MAPK8IP1: variants seen among roughly 807,000 people sequenced by gnomAD.
MAPK8IP1 encodes the protein C-Jun-amino-terminal kinase-interacting protein 1.
Under a neutral mutation model 72.6 loss-of-function variants are expected in MAPK8IP1, and 17 were observed. That is an observed-to-expected ratio of 0.23 (90% CI 0.16 to 0.35). MAPK8IP1 has a LOEUF of 0.35. Ranked by LOEUF, MAPK8IP1 falls within the 10% of genes least tolerant of loss-of-function variation. The pLI is 1.00. For missense variants in MAPK8IP1, 789 were observed against 1,009.7 expected (o/e 0.78, Z 2.96); for synonymous variants, 401 against 443.4 (o/e 0.90, Z 1.20).
intron 1 of MAPK8IP1, among the ~76,000 whole-genome samples, chr11:45,894,785 C>T (rs1301161423): frequency 6.6e-6 from 1 of 152,150 alleles, no homozygotes; most frequent in African/African-American, 2.4e-5. Context: ...CTGCTGGGTA[C>T]AGTATAGGGT....
intron 1 of MAPK8IP1, chr11:45,896,487 G>T: frequency 9.9e-7 from 1 of 1,011,772 alleles, no homozygotes; most frequent in Non-Finnish European, 1.2e-6. Context: ...GCCTGGGCCA[G>T]GGAGGGGGGG....
In MAPK8IP1 at chr11:45,903,945, C is replaced by G. The variant is rs376192530; in HGVS notation, c.1494-44C>G. The G allele has an allele frequency of 4.6e-5, 74 of 1,597,684 alleles. No individual in the cohort carries two copies. The highest frequency in any genetic ancestry group is 3.3e-4 in the East Asian group (15 of 44,804). ...AGACCCCAGAGTAGGCCTGGCTGGA[C>G]AGGCCTTGGTGCCGAATTTCTCACC... On this transcript the variant is annotated intron_variant, in intron 6 of 11. Coordinates refer to ENST00000241014, the MANE Select transcript of MAPK8IP1 (RefSeq NM_005456.4). The surrounding 1 kb of genome is among the most constrained non-coding windows in gnomAD (Gnocchi z 6.4).
intron 1 of MAPK8IP1, among the ~76,000 whole-genome samples, chr11:45,886,807 A>G (rs1484157958): frequency 6.6e-6 from 1 of 151,912 alleles, no homozygotes; most frequent in Non-Finnish European, 1.5e-5. Context: ...GCTTAGACAT[A>G]CCCCATTGTT....
intron 10 of MAPK8IP1, 27 bp downstream of exon 10, chr11:45,905,068 G>A: frequency 6.2e-7 from 1 of 1,613,700 alleles, no homozygotes; most frequent in South Asian, 1.1e-5. Flanking sequence ...TGGCAGTGGA[G>A]GAGGCACGGG....
intron 1 of MAPK8IP1, among the ~76,000 whole-genome samples, chr11:45,897,724 A>G (rs2134671292): frequency 6.6e-6 from 1 of 152,294 alleles, no homozygotes; most frequent in Non-Finnish European, 1.5e-5. Flanking sequence ...TCTCAAGTCC[A>G]CATTCTCCAT....
Position 45,902,999 on chromosome 11 carries a change from C to G in MAPK8IP1, c.1232C>G (p.Thr411Ser), listed in dbSNP as rs757309630. ...GDYSDESDSA[T>S]VYDNCASVSS... The stretch of plus-strand genomic sequence containing the variant: ...TACAGTGACGAGAGTGACTCTGCCA[C>G]CGTCTATGACAACTGTGCCTCCGTC... Residue 411 changes from threonine to serine, a missense_variant, in exon 5 of 12, where the codon ACC becomes AGC. By Grantham distance (58) the Thr-to-Ser change is moderately conservative. Around this residue, in one of 4 missense-constraint regions of MAPK8IP1, gnomAD observed 377 missense variants for 411.7 expected, o/e 0.92. Transcript: ENST00000241014. This position sits in a 1 kb window ranked among gnomAD's most constrained non-coding sequence, Gnocchi z 9.3. The G allele has an allele frequency of 1.9e-6, 3 of 1,611,762 alleles. No homozygotes were observed. The South Asian group carries it at 3.3e-5, about 18-fold the overall frequency.
chr11:45,903,354 C>G lies in MAPK8IP1; in HGVS notation c.1418-11C>G. 6.2e-7 allele frequency: 1 copy of G among 1,613,552 alleles called. No individual in the cohort carries two copies. The highest frequency in any genetic ancestry group is 8.5e-7 in the Non-Finnish European group (1 of 1,179,790). On this transcript the variant is annotated splice_polypyrimidine_tract_variant and intron_variant, in intron 5 of 11. Coordinates refer to ENST00000241014, the MANE Select transcript of MAPK8IP1 (RefSeq NM_005456.4). This position sits in a 1 kb window ranked among gnomAD's most constrained non-coding sequence, Gnocchi z 6.4. ...GCGACCCCCCATCCAGCCACACCAC[C>G]TCACCTGCAGGTGCTGAGTCCTTCG... is the stretch of plus-strand genomic sequence containing the variant.
rs1009477940 is a variant in MAPK8IP1, at chr11:45,896,843, T to C, written c.102-1242T>C. The C allele has an allele frequency of 3.9e-6, 6 of 1,547,560 alleles. No individual in the cohort carries two copies. In the African/African-American group the frequency reaches 6.9e-5, roughly 18 times the overall value. ...CCTTCCGGGCATGAGAGGGCAGCCC[T>C]GGGGCCCCGCAGCCCCCCGGCCGGG... On this transcript the variant is annotated intron_variant, in intron 1 of 11. Coordinates refer to ENST00000241014, the MANE Select transcript of MAPK8IP1 (RefSeq NM_005456.4).
At chr11:45,899,472 T>TC (rs2086633042) in intron 2 of MAPK8IP1, among the ~76,000 whole-genome samples, 1 of 152,210 alleles carries the variant, frequency 6.6e-6, no homozygotes, top group African/African-American at 2.4e-5. Context: ...GCCTGAAGGA[T>TC]CAGGGGATCT....
chr11:45,903,915 C>T lies in MAPK8IP1; in HGVS notation c.1494-74C>T. Reference sequence around the variant, plus strand: ...TACTGAAATAACGATGCTGCTGTGGCTCCCAGACCCCAGAGTAGGCCTGGC... The same window carrying T: ...TACTGAAATAACGATGCTGCTGTGGTTCCCAGACCCCAGAGTAGGCCTGGC... On this transcript the variant is annotated intron_variant, in intron 6 of 11. Coordinates refer to ENST00000241014, the MANE Select transcript of MAPK8IP1 (RefSeq NM_005456.4). This position sits in a 1 kb window ranked among gnomAD's most constrained non-coding sequence, Gnocchi z 6.4. The T allele has an allele frequency of 7.2e-7, 1 of 1,384,154 alleles. No homozygotes were observed. The highest frequency in any genetic ancestry group is 1.7e-5 in the Admixed American group (1 of 59,716). The allele number at this position is 1,384,154 out of a possible 1,614,324, so 85.7% of individuals were successfully genotyped here. A position where few individuals can be genotyped will look rare whatever the true frequency, so the allele number is the denominator to read the frequency against.
chr11:45,903,223 C>T lies in MAPK8IP1; in HGVS notation c.1417+39C>T, dbSNP rs750671769. The T allele has an allele frequency of 1.9e-6, 3 of 1,589,576 alleles. No homozygotes were observed. The highest frequency in any genetic ancestry group is 2.6e-6 in the Non-Finnish European group (3 of 1,168,088). On this transcript the variant is annotated intron_variant, in intron 5 of 11. Coordinates refer to ENST00000241014, the MANE Select transcript of MAPK8IP1 (RefSeq NM_005456.4). The surrounding 1 kb of genome is among the most constrained non-coding windows in gnomAD (Gnocchi z 6.4). The stretch of plus-strand genomic sequence containing the variant: ...GGGAAGCAGTGGGGTGGGGGGGTCC[C>T]TAGCGGGGGCAGAGCCAAAATGCGA...
intron 1 of MAPK8IP1, among the ~76,000 whole-genome samples, chr11:45,890,118 A>ATC (rs1424904969): frequency 3.5e-4 from 54 of 152,204 alleles, no homozygotes; most frequent in African/African-American, 1.2e-3. Context: ...ACTGGAGTGA[A>ATC]GGGCGGAGAC....
chr11:45,897,792 C>T (rs1423587962), intron 1 of MAPK8IP1, among the ~76,000 whole-genome samples: 3 of 152,208 alleles, frequency 2.0e-5, no homozygotes, highest in Admixed American at 2.0e-4. Flanking sequence ...CCAGTTGGGC[C>T]TTCTAAGCAC....
chr11:45,888,542 A>G lies in MAPK8IP1; in HGVS notation c.101+2621A>G, dbSNP rs76464962. On this transcript the variant is annotated intron_variant, in intron 1 of 11. Coordinates refer to ENST00000241014, the MANE Select transcript of MAPK8IP1 (RefSeq NM_005456.4). ...AAGAGCATGTGCGGAGGGGGCGAGC[A>G]TGTGGACCTGACCTGAAGGGGTGGG... Among the ~76,000 whole-genome samples, 36 of 152,256 alleles carry G rather than the reference A, an allele frequency of 2.4e-4. 1 individual carries two copies. The East Asian group carries it at 4.3e-3, about 18-fold the overall frequency.
Position 45,902,689 on chromosome 11 carries a change from T to C in MAPK8IP1, c.922T>C (p.Ser308Pro). ...AFLPPTESRM[S>P]VSSDPDPAAY... The stretch of plus-strand genomic sequence containing the variant: ...CCTGCCGCCCACTGAGAGCCGGATG[T>C]CAGTCAGCTCCGATCCAGACCCTGC... The change falls in exon 5 of 12, where the codon TCA (serine) becomes CCA (proline). Residue 308 changes from serine to proline, a missense_variant. Ser to Pro is a moderately conservative substitution (Grantham distance 74). Coordinates refer to ENST00000241014, the MANE Select transcript of MAPK8IP1 (RefSeq NM_005456.4). This position sits in a 1 kb window ranked among gnomAD's most constrained non-coding sequence, Gnocchi z 9.3. The C allele has an allele frequency of 6.2e-7, 1 of 1,610,874 alleles. No individual in the cohort carries two copies. The highest frequency in any genetic ancestry group is 8.5e-7 in the Non-Finnish European group (1 of 1,179,832).
chr11:45,892,193 G>C (rs1383994755), intron 1 of MAPK8IP1, among the ~76,000 whole-genome samples: 1 of 151,932 alleles, frequency 6.6e-6, no homozygotes, highest in African/African-American at 2.4e-5. Flanking sequence ...TGGGGGTAGA[G>C]CGAGGGCCTG....
In MAPK8IP1 at chr11:45,902,388, G is replaced by T. The variant is rs143158158; in HGVS notation, c.621G>T (p.Pro207=). The T allele has an allele frequency of 2.0e-5, 32 of 1,569,834 alleles. No individual in the cohort carries two copies. In the South Asian group the frequency reaches 3.0e-4, roughly 15 times the overall value. ...SPLKTGEQTP[P]HEHICLSDEL... ...GCTCTCCAGGGGAGCAGACACCACC[G>T]CATGAACACATCTGCCTGAGCGATG... Residue 207 remains proline (P), a synonymous_variant, in exon 5 of 12, where the codon CCG becomes CCT. Coordinates refer to ENST00000241014, the MANE Select transcript of MAPK8IP1 (RefSeq NM_005456.4). The surrounding 1 kb of genome is among the most constrained non-coding windows in gnomAD (Gnocchi z 9.3).
At chr11:45,892,338 T>TA (rs2086573921) in intron 1 of MAPK8IP1, among the ~76,000 whole-genome samples, 1 of 152,064 alleles carries the variant, frequency 6.6e-6, no homozygotes, top group Non-Finnish European at 1.5e-5. Context: ...TGGACTAACT[T>TA]AGAGATTTCC....
At chr11:45,898,626 C>T (rs2086626012) in intron 2 of MAPK8IP1, among the ~76,000 whole-genome samples, 1 of 152,302 alleles carries the variant, frequency 6.6e-6, no homozygotes, top group East Asian at 1.9e-4. Flanking sequence ...CCAAGGCACC[C>T]CTGGAATAGC....
Sources: gnomAD v4.1 joint callset for allele counts (sites outside exome capture counted in the v4.1 genomes callset) on GRCh38, gnomAD v4.1.1 for gene constraint, gnomAD v4.1.1 regional missense constraint, Gnocchi (gnomAD v3.1) non-coding constraint, MANE v1.5 for transcripts, NCBI Gene and HGNC (gene_info 2026-07-23, HGNC 2026-07-21) for gene names.